The following URB1 variants were observed in gnomAD, a reference collection of about 807,000 sequenced individuals.
URB1 encodes URB1 ribosome biogenesis factor.
URB1 carries 197 observed loss-of-function variants against 242.3 expected under a neutral mutation model. That is an observed-to-expected ratio of 0.81 (90% CI 0.72 to 0.91). The LOEUF (loss-of-function observed/expected upper bound fraction) is 0.91. Ranked by LOEUF, URB1 falls within the 40% of genes least tolerant of loss-of-function variation. URB1 has a pLI of 0.00. For missense variants in URB1, 2,721 were observed against 2,860.5 expected (o/e 0.95, Z 1.11); for synonymous variants, 1,153 against 1,201.8 (o/e 0.96, Z 0.84).
At chr21:32,354,243 T>C in intron 17 of URB1, 140 bp from the exon 18 acceptor site, 5 of 943,788 alleles carry the variant, frequency 5.3e-6, no homozygotes, top group East Asian at 2.7e-5. Context: ...TTAACATAGT[T>C]TGACCCTAAA....
At chr21:32,377,687 G>T (rs1163689978) in intron 5 of URB1, among the ~76,000 whole-genome samples, 1 of 152,158 alleles carries the variant, frequency 6.6e-6, no homozygotes, top group Non-Finnish European at 1.5e-5. Flanking sequence ...CGTCCCGGCA[G>T]TCACGTTCCA....
intron 15 of URB1, among the ~76,000 whole-genome samples, chr21:32,356,593 G>C (rs1421294297): frequency 6.6e-6 from 1 of 152,076 alleles, no homozygotes; most frequent in Non-Finnish European, 1.5e-5. Context: ...ATTCTCCAAG[G>C]TCACGAGCCA....
intron 4 of URB1, 21 bp downstream of exon 4, chr21:32,383,401 G>A (rs1433001156): frequency 2.6e-6 from 4 of 1,545,924 alleles, no homozygotes; most frequent in East Asian, 2.5e-5. Flanking sequence ...TGGAAGGCAC[G>A]AGACACTGTG....
Position 32,352,787 on chromosome 21 carries a change from C to T in URB1, c.2536G>A (p.Val846Met), listed in dbSNP as rs1286307594. ...AYDKLEPPCL[V>M]PCCQQLSRFN... ...CGTGAGAGCTGCTGGCAGCAAGGCACCAGGCATGGAGGCTCAAGCTTATCA... is the reference window on the plus strand; with the variant it reads ...CGTGAGAGCTGCTGGCAGCAAGGCATCAGGCATGGAGGCTCAAGCTTATCA... Residue 846 changes from valine (V) to methionine (M), a missense_variant, in exon 19 of 39, where the codon GTG (valine) becomes ATG (methionine). Physicochemically the swap from Val to Met is conservative, Grantham distance 21. Coordinates refer to ENST00000382751, the MANE Select transcript of URB1 (RefSeq NM_014825.3). 6.4e-7 allele frequency: 1 copy of T among 1,551,728 alleles called. No homozygotes were observed. The highest frequency in any genetic ancestry group is 8.7e-7 in the Non-Finnish European group (1 of 1,146,998).
chr21:32,352,439 C>T (rs1272968376), intron 19 of URB1, among the ~76,000 whole-genome samples: 1 of 152,200 alleles, frequency 6.6e-6, no homozygotes, highest in African/African-American at 2.4e-5. Context: ...GCTCCTGCCC[C>T]AGGCTGGAAG....
At chr21:32,322,191 A>C (rs144174383) in intron 33 of URB1, among the ~76,000 whole-genome samples, 155 of 152,358 alleles carry the variant, frequency 1.0e-3, no homozygotes, top group African/African-American at 3.5e-3. Flanking sequence ...TTTAATATGA[A>C]TATCTAAAAA....
chr21:32,343,389 T>C (rs2033052095), intron 24 of URB1, among the ~76,000 whole-genome samples: 1 of 152,202 alleles, frequency 6.6e-6, no homozygotes, highest in Non-Finnish European at 1.5e-5. Flanking sequence ...AAAGCATCAC[T>C]GAACTTAAAG....
Position 32,355,440 on chromosome 21 carries a change from T to C in URB1, c.2106+9A>G, listed in dbSNP as rs550318666. The C allele has an allele frequency of 1.9e-4, 291 of 1,549,796 alleles. 3 individuals are homozygous for C. In the South Asian group the frequency reaches 2.9e-3, roughly 15 times the overall value. On this transcript the variant is annotated intron_variant, in intron 16 of 38. Coordinates refer to ENST00000382751, the MANE Select transcript of URB1 (RefSeq NM_014825.3). ...AGCATGTTCCTTTATGTGGGAAATA[T>C]GTGCTTACGCGTTCCAGAAACTGAA...
At chr21:32,377,233 C>T (rs746889921) in intron 5 of URB1, 2 of 518,934 alleles carry the variant, frequency 3.9e-6, no homozygotes, top group East Asian at 1.1e-4. Flanking sequence ...GAACAGAGGC[C>T]AGGCAATGGT....
At chr21:32,320,865 TC>T (rs1447555379) in intron 34 of URB1, among the ~76,000 whole-genome samples, 1 of 151,962 alleles carries the variant, frequency 6.6e-6, no homozygotes, top group Non-Finnish European at 1.5e-5. Flanking sequence ...GGCCCGGGGA[TC>T]CCCACTTCCG....
At chr21:32,323,845 T>C (rs1296280881) in intron 32 of URB1, among the ~76,000 whole-genome samples, 1 of 152,076 alleles carries the variant, frequency 6.6e-6, no homozygotes, top group Admixed American at 6.5e-5. Flanking sequence ...TTCGCTGTAG[T>C]CCCAGCTACT....
intron 25 of URB1, among the ~76,000 whole-genome samples, chr21:32,341,083 T>C (rs2033024128): frequency 6.6e-6 from 1 of 152,082 alleles, no homozygotes; most frequent in South Asian, 2.1e-4. Flanking sequence ...TAACACTCAG[T>C]GTATGAAAAT....
At chr21:32,320,774 C>T (rs918436725) in intron 34 of URB1, 134 bp from the exon 35 acceptor site, 5 of 680,686 alleles carry the variant, frequency 7.3e-6, no homozygotes, top group South Asian at 5.1e-5. Flanking sequence ...TTGCTAAGTC[C>T]GTCAGAGCGG....
At position 32,325,401 on chromosome 21, in the gene URB1, G is replaced by A; in HGVS notation, c.4961-12C>T. The A allele has an allele frequency of 6.5e-7, 1 of 1,545,854 alleles. No individual in the cohort carries two copies. The highest frequency in any genetic ancestry group is 8.8e-7 in the Non-Finnish European group (1 of 1,142,168). On this transcript the variant is annotated splice_polypyrimidine_tract_variant and intron_variant, in intron 30 of 38. Transcript: ENST00000382751. ...ATCCACCACAAACTCTGCAGGAAATGAAATACAGCATGAAACACACACAAT... is the reference window on the plus strand; with the variant it reads ...ATCCACCACAAACTCTGCAGGAAATAAAATACAGCATGAAACACACACAAT...
At chr21:32,386,664 G>A (rs147765030) in intron 1 of URB1, among the ~76,000 whole-genome samples, 1 of 152,170 alleles carries the variant, frequency 6.6e-6, no homozygotes, top group East Asian at 1.9e-4. Flanking sequence ...TCCCTCAACT[G>A]TAGAATGGGT....
chr21:32,366,920 G>T (rs944561591), intron 9 of URB1, among the ~76,000 whole-genome samples, 165 bp from the exon 10 acceptor site: 1 of 152,190 alleles, frequency 6.6e-6, no homozygotes, highest in Non-Finnish European at 1.5e-5. Flanking sequence ...AAATCTACTT[G>T]TCAAAGACAA....
In URB1 at chr21:32,347,638, G is replaced by T; in HGVS notation, c.3186C>A (p.Ile1062=). ...GGCCCAGCTGCCCAATGTTCTGGAG[G>T]ATCGGGGCACTTGCTGCCAGCAGCT... ...VLQLLAASAP[I]LQNIGQLGLL... The change falls in exon 22 of 39, where the codon ATC becomes ATA. Residue 1062 remains isoleucine (I), a synonymous_variant. Coordinates refer to ENST00000382751, the MANE Select transcript of URB1 (RefSeq NM_014825.3). 1 of 1,551,700 alleles carries T rather than the reference G, an allele frequency of 6.4e-7. No individual in the cohort carries two copies. The highest frequency in any genetic ancestry group is 8.7e-7 in the Non-Finnish European group (1 of 1,147,008).
chr21:32,340,499 G>A (rs1487441251), intron 25 of URB1, among the ~76,000 whole-genome samples: 2 of 152,208 alleles, frequency 1.3e-5, no homozygotes, highest in Non-Finnish European at 2.9e-5. Flanking sequence ...TGTGGACTCA[G>A]CTACTTGGGA....
At position 32,316,387 on chromosome 21, in the gene URB1, T is replaced by G. The variant is rs2032685494; in HGVS notation, c.6634+79A>C. 2.8e-6 allele frequency: 4 copies of G among 1,447,688 alleles called. No homozygotes were observed. In the East Asian group the frequency reaches 1.0e-4, roughly 36 times the overall value. 89.7% of individuals were successfully genotyped at this position (1,447,688 alleles called of 1,614,324 possible). On this transcript the variant is annotated intron_variant, in intron 38 of 38. Coordinates refer to ENST00000382751, the MANE Select transcript of URB1 (RefSeq NM_014825.3). ...GAAGTCAGCAGAAACCTGAGTGTTC[T>G]AAGCACAGAAATCACTCCTGCCCCC...
Sources: allele counts gnomAD v4.1 joint callset (sites outside exome capture counted in the v4.1 genomes callset), GRCh38; gene constraint gnomAD v4.1.1; transcripts MANE v1.5; gene names NCBI Gene and HGNC (gene_info 2026-07-23, HGNC 2026-07-21).